The following DDA1 variants were observed in gnomAD, a reference collection of about 807,000 sequenced individuals.
The protein encoded by DDA1 is DET1 and DDB1 associated 1.
Under a neutral mutation model 18.6 loss-of-function variants are expected in DDA1, and 3 were observed. The ratio of observed to expected loss-of-function variants is 0.16; its 90% CI spans 0.07 to 0.42. The LOEUF is 0.42. Among genes scored for constraint, DDA1 ranks in the 10% least tolerant of loss-of-function variants. The probability of loss-of-function intolerance (pLI) is 0.99; values close to 1 mark genes in which losing one functional copy is unlikely to be tolerated. For missense variants in DDA1, 105 were observed against 138.2 expected (o/e 0.76, Z 1.20); for synonymous variants, 52 against 54.0 (o/e 0.96, Z 0.17).
rs749890478 is a variant in DDA1 at position 17,315,214 on chromosome 19, T to TACACACACGTGTATAC, written c.137-704_137-689dup. Among the ~76,000 whole-genome samples, 77 of 24,926 alleles carry TACACACACGTGTATAC rather than the reference T, an allele frequency of 3.1e-3. 25 individuals are homozygous for TACACACACGTGTATAC. The highest frequency in any genetic ancestry group is 4.3e-3 in the Non-Finnish European group (36 of 8,364). The allele number at this position is 24,926 out of a possible 152,430, so 16.4% of individuals were successfully genotyped here. A position where few individuals can be genotyped will look rare whatever the true frequency, so the allele number is the denominator to read the frequency against. ...ACACACGTGTATACACACGTGTATA[T>TACACACACGTGTATAC]ACACACACGTGTATACACACACACG... On this transcript the variant is annotated intron_variant, in intron 3 of 4. Transcript: ENST00000359866.
rs201436555 is a variant in DDA1, at chr19:17,311,591, CTCTG to C, written c.3+1940_3+1943del. On this transcript the variant is annotated intron_variant, in intron 1 of 4. Coordinates refer to ENST00000359866, the MANE Select transcript of DDA1 (RefSeq NM_024050.6). ...GACCTTATCTCCACTCTCTTCTCCA[CTCTG>C]TCTGTGAGCTTCAGCCACCCTGGCC... 8.8e-3 allele frequency among the ~76,000 whole-genome samples: 1,335 copies of C among 152,304 alleles called. 17 individuals carry two copies. The highest frequency in any genetic ancestry group is 0.03 in the African/African-American group (1,260 of 41,546).
chr19:17,309,685 C>A, intron 1 of DDA1, 28 bp downstream of exon 1: 1 of 1,611,084 alleles, frequency 6.2e-7, no homozygotes, highest in Middle Eastern at 1.7e-4. Flanking sequence ...GCCCCCACTC[C>A]CCCTCTGCTA....
In DDA1 at chr19:17,314,003, C is replaced by T. The variant is rs1244880380; in HGVS notation, c.4-20C>T. The T allele has an allele frequency of 1.2e-6, 2 of 1,607,384 alleles. No individual in the cohort carries two copies. The highest frequency in any genetic ancestry group is 1.7e-6 in the Non-Finnish European group (2 of 1,174,030). On this transcript the variant is annotated intron_variant, in intron 1 of 4. Transcript: ENST00000359866. This position sits in a 1 kb window ranked among gnomAD's most constrained non-coding sequence, Gnocchi z 4.6. ...TGGCCCTTGCCTGTTTTCTCATGTA[C>T]CATCTTCCATGTCTTCTAGGCAGAT...
rs1276486301 is a variant in DDA1, at chr19:17,322,563, G to A, written c.*2907G>A. On this transcript the variant is annotated 3_prime_UTR_variant, in exon 5 of 5. Coordinates refer to ENST00000359866, the MANE Select transcript of DDA1 (RefSeq NM_024050.6). ...CTGCAGCATGGCCATGTTGGTCTCTGAGCCTTAAGCCTTTGGATGTGGACA... is the reference window on the plus strand; with the variant it reads ...CTGCAGCATGGCCATGTTGGTCTCTAAGCCTTAAGCCTTTGGATGTGGACA... 2 of 152,356 alleles carry A rather than the reference G, an allele frequency of 1.3e-5. No homozygotes were observed. Among genetic ancestry groups the A allele is most frequent in the Non-Finnish European group, 2.9e-5 (2 of 68,158 alleles). 9.4% of individuals were successfully genotyped at this position (152,356 alleles called of 1,614,324 possible).
Position 17,315,739 on chromosome 19 carries a change from G to A in DDA1, c.137-195G>A, listed in dbSNP as rs1313908946. ...AGGGTGGAATCCCTTGCAGGGAGCC[G>A]GGACCCTGAAAGCAGCTGGCTCAGG... On this transcript the variant is annotated intron_variant, in intron 3 of 4. Transcript: ENST00000359866. 2.6e-5 allele frequency: 17 copies of A among 658,778 alleles called. No homozygotes were observed. The South Asian group carries it at 2.6e-4, about 10-fold the overall frequency. The allele number at this position is 658,778 out of a possible 1,614,324, so 40.8% of individuals were successfully genotyped here.
chr19:17,319,635 A>G lies in DDA1; in HGVS notation c.288A>G (p.Pro96=), dbSNP rs778422020. The G allele has an allele frequency of 6.4e-7, 1 of 1,573,914 alleles. No individual in the cohort carries two copies. Among genetic ancestry groups the G allele is most frequent in the Admixed American group, 1.9e-5 (1 of 53,894 alleles). Residue 96 remains proline (P), a synonymous_variant, in exon 5 of 5, where the codon CCA becomes CCG. Coordinates refer to ENST00000359866, the MANE Select transcript of DDA1 (RefSeq NM_024050.6). ...GCAAGGTGGCGCGGACCGACAGCCC[A>G]GACATGCACGAGGACACTTAAGACT... The part of the protein sequence containing the change: ...PPRKVARTDS[P]DMHEDT
rs35247114 is a variant in DDA1 at position 17,315,431 on chromosome 19, T to TGTGTGTGC, written c.137-503_137-502insGTGTGTGC. On this transcript the variant is annotated intron_variant, in intron 3 of 4. Coordinates refer to ENST00000359866, the MANE Select transcript of DDA1 (RefSeq NM_024050.6). ...ATACGTGTGTGTGTGTGTGTGTGCA[T>TGTGTGTGC]ATATATATATATATATATATATATT... 1.0e-4 allele frequency among the ~76,000 whole-genome samples: 10 copies of TGTGTGTGC among 98,492 alleles called. 1 individual carries two copies. The highest frequency in any genetic ancestry group is 8.6e-4 in the South Asian group (3 of 3,482). 64.6% of individuals were successfully genotyped at this position (98,492 alleles called of 152,430 possible).
At chr19:17,319,503 G>GA in intron 4 of DDA1, 43 bp from the exon 5 acceptor site, 8 of 1,517,810 alleles carry the variant, frequency 5.3e-6, no homozygotes, top group Admixed American at 2.0e-5. Flanking sequence ...GAGGCTGTCC[G>GA]AAAAAAAAGA....
Position 17,314,496 on chromosome 19 carries a change from A to G in DDA1, c.136+107A>G. The stretch of plus-strand genomic sequence containing the variant: ...TCTTCAACCCCGGCCCAGGCCATAG[A>G]CTTGGCTTGGGTTCACACGCTGTCT... On this transcript the variant is annotated intron_variant, in intron 3 of 4. Coordinates refer to ENST00000359866, the MANE Select transcript of DDA1 (RefSeq NM_024050.6). The surrounding 1 kb of genome is among the most constrained non-coding windows in gnomAD (Gnocchi z 4.6). 3 of 1,479,516 alleles carry G rather than the reference A, an allele frequency of 2.0e-6. No homozygotes were observed. The highest frequency in any genetic ancestry group is 2.3e-5 in the South Asian group (2 of 85,412). 91.6% of individuals were successfully genotyped at this position (1,479,516 alleles called of 1,614,324 possible). A position where few individuals can be genotyped will look rare whatever the true frequency, so the allele number is the denominator to read the frequency against.
chr19:17,319,671 C>T lies in DDA1; in HGVS notation c.*15C>T. 1 of 1,552,592 alleles carries T rather than the reference C, an allele frequency of 6.4e-7. No homozygotes were observed. The highest frequency in any genetic ancestry group is 8.7e-7 in the Non-Finnish European group (1 of 1,147,166). On this transcript the variant is annotated 3_prime_UTR_variant, in exon 5 of 5. Coordinates refer to ENST00000359866, the MANE Select transcript of DDA1 (RefSeq NM_024050.6). ...AGGACACTTAAGACTCTCAACTCCA[C>T]AGGCGCCTCCTGCCAGGTCTGCTCC...
chr19:17,318,705 A>G (rs2074225505), intron 4 of DDA1, among the ~76,000 whole-genome samples: 14 of 148,440 alleles, frequency 9.4e-5, no homozygotes, highest in Admixed American at 8.7e-4. Flanking sequence ...TCTGTTGCCC[A>G]GGCTGGAGTG....
At chr19:17,312,981 A>G (rs1419031726) in intron 1 of DDA1, among the ~76,000 whole-genome samples, 1 of 151,688 alleles carries the variant, frequency 6.6e-6, no homozygotes, top group African/African-American at 2.4e-5. Flanking sequence ...CCAGCAGAGG[A>G]GGGGCCAGAT....
At chr19:17,316,229 C>A (rs2074212250) in intron 4 of DDA1, among the ~76,000 whole-genome samples, 1 of 152,206 alleles carries the variant, frequency 6.6e-6, no homozygotes, top group African/African-American at 2.4e-5. Context: ...AAGTAGCCGC[C>A]AGGCCCAGTT....
rs2074192277 is a variant in DDA1 at position 17,314,301 on chromosome 19, C to A, written c.85-37C>A. 6.2e-7 allele frequency: 1 copy of A among 1,613,322 alleles called. No individual in the cohort carries two copies. The highest frequency in any genetic ancestry group is 1.7e-5 in the Admixed American group (1 of 60,010). ...GGGATGAGGAGACCCCAGGCCCATG[C>A]ACTCTCCTAACCCACCCCTTCTCAA... On this transcript the variant is annotated intron_variant, in intron 2 of 4. Transcript: ENST00000359866. The surrounding 1 kb of genome is among the most constrained non-coding windows in gnomAD (Gnocchi z 4.6).
chr19:17,311,601 G>A (rs907510761), intron 1 of DDA1, among the ~76,000 whole-genome samples: 3 of 152,044 alleles, frequency 2.0e-5, no homozygotes. Context: ...CTCTGTCTGT[G>A]AGCTTCAGCC....
At position 17,323,134 on chromosome 19, in the gene DDA1, C is replaced by G. The variant is rs904189376; in HGVS notation, c.*3478C>G. Reference sequence around the variant, plus strand: ...CCCTCATGGGTCAAGCCAGCCTGTACCAGGATGGGGGGAGGGGGTTCCCAA... The same window carrying G: ...CCCTCATGGGTCAAGCCAGCCTGTAGCAGGATGGGGGGAGGGGGTTCCCAA... On this transcript the variant is annotated 3_prime_UTR_variant, in exon 5 of 5. Transcript: ENST00000359866. 1 of 153,214 alleles carries G rather than the reference C, an allele frequency of 6.5e-6. No homozygotes were observed. Among genetic ancestry groups the G allele is most frequent in the Admixed American group, 6.5e-5 (1 of 15,294 alleles). The allele number at this position is 153,214 out of a possible 1,614,324, so 9.5% of individuals were successfully genotyped here.
intron 1 of DDA1, among the ~76,000 whole-genome samples, chr19:17,312,280 C>T (rs1415799898): frequency 3.9e-5 from 6 of 152,154 alleles, no homozygotes; most frequent in Non-Finnish European, 8.8e-5. Context: ...CTGTCCTCTT[C>T]CCTTGGGGAG....
intron 4 of DDA1, among the ~76,000 whole-genome samples, chr19:17,317,769 G>A (rs2074220952): frequency 6.6e-6 from 1 of 151,160 alleles, no homozygotes; most frequent in South Asian, 2.1e-4. Flanking sequence ...AGCCCAGGAG[G>A]TTGAGGCTGC....
At chr19:17,318,229 T>TTTTA (rs1333110151) in intron 4 of DDA1, among the ~76,000 whole-genome samples, 1 of 148,178 alleles carries the variant, frequency 6.7e-6, no homozygotes, top group Admixed American at 6.7e-5. Context: ...ATTTATTTTA[T>TTTTA]TTTATTTATT....
Sources: allele counts gnomAD v4.1 joint callset (sites outside exome capture counted in the v4.1 genomes callset), GRCh38; gene constraint gnomAD v4.1.1; non-coding constraint Gnocchi (gnomAD v3.1); transcripts MANE v1.5; gene names NCBI Gene and HGNC (gene_info 2026-07-23, HGNC 2026-07-21).